SPATA6: variants seen among roughly 807,000 people sequenced by gnomAD.
SPATA6 encodes spermatogenesis-associated protein 6.
Under a neutral mutation model 65.3 loss-of-function variants are expected in SPATA6, and 56 were observed. That is an observed-to-expected ratio of 0.86 (90% CI 0.69 to 1.07). The LOEUF (loss-of-function observed/expected upper bound fraction) is 1.07. Ranked by LOEUF, SPATA6 falls within the 50% of genes least tolerant of loss-of-function variation. The pLI is 0.00. For missense variants in SPATA6, 590 were observed against 594.8 expected (o/e 0.99, Z 0.08); for synonymous variants, 199 against 213.2 (o/e 0.93, Z 0.58).
At chr1:48,435,124 A>C (rs1014599227) in intron 3 of SPATA6, among the ~76,000 whole-genome samples, 2 of 152,190 alleles carry the variant, frequency 1.3e-5, no homozygotes, top group African/African-American at 4.8e-5. Context: ...TTCTATAATA[A>C]TACTAATGTA....
At chr1:48,402,991 C>A (rs1229101114) in intron 6 of SPATA6, among the ~76,000 whole-genome samples, 1 of 151,954 alleles carries the variant, frequency 6.6e-6, no homozygotes, top group Non-Finnish European at 1.5e-5. Context: ...CCAGCCTGGG[C>A]AACATGGCAA....
At chr1:48,348,620 T>G (rs932931164) in intron 11 of SPATA6, among the ~76,000 whole-genome samples, 6 of 151,954 alleles carry the variant, frequency 3.9e-5, no homozygotes, top group African/African-American at 1.4e-4. Flanking sequence ...CAACTTTCAT[T>G]GGAAAAAGGT....
At chr1:48,293,988 TAATA>T (rs1228514319), downstream of SPATA6, among the ~76,000 whole-genome samples, 1 of 152,232 alleles carries the variant, frequency 6.6e-6, no homozygotes, top group Non-Finnish European at 1.5e-5. Flanking sequence ...CATTCAGTGA[TAATA>T]AACACATTAA....
chr1:48,403,256 T>C (rs191430666), intron 6 of SPATA6, among the ~76,000 whole-genome samples: 8 of 152,202 alleles, frequency 5.3e-5, no homozygotes, highest in Admixed American at 5.2e-4. Context: ...TTCAAAAACA[T>C]AGATGATCCT....
intron 1 of SPATA6, among the ~76,000 whole-genome samples, chr1:48,464,276 C>T (rs1557738397): frequency 6.6e-6 from 1 of 152,038 alleles, no homozygotes; most frequent in Non-Finnish European, 1.5e-5. Context: ...AAACACTATA[C>T]TAGAAATTCT....
Position 48,411,493 on chromosome 1 carries a change from C to T in SPATA6, c.376G>A (p.Val126Ile). 1 of 1,609,742 alleles carries T rather than the reference C, an allele frequency of 6.2e-7. No homozygotes were observed. Among genetic ancestry groups the T allele is most frequent in the Non-Finnish European group, 8.5e-7 (1 of 1,178,214 alleles). Residue 126 changes from valine to isoleucine, a missense_variant, in exon 5 of 13, where the codon GTT becomes ATT. Coordinates refer to ENST00000371847, the MANE Select transcript of SPATA6 (RefSeq NM_019073.4). ...MSGHHDSNRQ[V>I]TMRRISGLRG... ...AGGCCAGAAATCCTCCTCATGGTAA[C>T]CTGGCGGTTTGAATCATGGTGTCCA...
At chr1:48,374,494 C>T (rs1009617365) in intron 9 of SPATA6, among the ~76,000 whole-genome samples, 1 of 152,184 alleles carries the variant, frequency 6.6e-6, no homozygotes, top group African/African-American at 2.4e-5. Flanking sequence ...CTACCTACTA[C>T]AACATGACAT....
intron 3 of SPATA6, among the ~76,000 whole-genome samples, chr1:48,428,167 A>G (rs1388790333): frequency 6.6e-6 from 1 of 152,174 alleles, no homozygotes; most frequent in African/African-American, 2.4e-5. Context: ...TAATAACATA[A>G]AAACAGGCCG....
chr1:48,438,686 C>A (rs573549291), intron 3 of SPATA6, among the ~76,000 whole-genome samples: 2 of 152,314 alleles, frequency 1.3e-5, no homozygotes, highest in East Asian at 3.9e-4. Flanking sequence ...TGGGTTCTAA[C>A]GCCTGTCAGA....
At chr1:48,337,085 T>C (rs1413182706) in intron 11 of SPATA6, among the ~76,000 whole-genome samples, 2 of 151,884 alleles carry the variant, frequency 1.3e-5, no homozygotes, top group East Asian at 3.9e-4. Flanking sequence ...CTGAGGAGAA[T>C]ATTACAAGAA....
intron 11 of SPATA6, among the ~76,000 whole-genome samples, chr1:48,327,623 C>A (rs992232071): frequency 1.3e-5 from 2 of 152,104 alleles, no homozygotes; most frequent in Non-Finnish European, 2.9e-5. Context: ...TATATATACA[C>A]CATGGAACAC....
At chr1:48,314,299 C>T (rs1645330586) in intron 11 of SPATA6, among the ~76,000 whole-genome samples, 1 of 152,110 alleles carries the variant, frequency 6.6e-6, no homozygotes, top group Admixed American at 6.6e-5. Flanking sequence ...AAGTAAAGCA[C>T]TCCTCAGCAA....
At chr1:48,365,384 T>C (rs1646968269) in intron 9 of SPATA6, among the ~76,000 whole-genome samples, 4 of 152,312 alleles carry the variant, frequency 2.6e-5, no homozygotes, top group Admixed American at 2.0e-4. Flanking sequence ...GTAAATTACT[T>C]TGGGCAGTAT....
At chr1:48,469,799 GT>G (rs1386327889) in intron 1 of SPATA6, among the ~76,000 whole-genome samples, 2 of 146,286 alleles carry the variant, frequency 1.4e-5, no homozygotes, top group African/African-American at 5.2e-5. Flanking sequence ...TGCTAGTGGG[GT>G]TTTTTTTGTG....
chr1:48,378,204 G>C (rs1648144746), intron 9 of SPATA6, among the ~76,000 whole-genome samples: 1 of 152,158 alleles, frequency 6.6e-6, no homozygotes, highest in Non-Finnish European at 1.5e-5. Context: ...TAATGTACTA[G>C]CCTTATCAGA....
At chr1:48,368,503 C>G (rs971521846) in intron 9 of SPATA6, among the ~76,000 whole-genome samples, 1 of 152,146 alleles carries the variant, frequency 6.6e-6, no homozygotes, top group African/African-American at 2.4e-5. Context: ...TCTTTTTATT[C>G]TTTTTCCTCT....
intron 3 of SPATA6, among the ~76,000 whole-genome samples, chr1:48,433,278 G>A (rs1654575797): frequency 6.6e-6 from 1 of 152,044 alleles, no homozygotes; most frequent in South Asian, 2.1e-4. Context: ...GATTAAGATA[G>A]TAAATTTCAT....
intron 11 of SPATA6, among the ~76,000 whole-genome samples, chr1:48,322,342 G>C (rs1245778001): frequency 6.6e-6 from 1 of 152,046 alleles, no homozygotes; most frequent in Non-Finnish European, 1.5e-5. Flanking sequence ...ATAATAAATG[G>C]GGCTGGGAAA....
chr1:48,421,985 T>C (rs914142926), intron 3 of SPATA6, among the ~76,000 whole-genome samples: 4 of 152,270 alleles, frequency 2.6e-5, no homozygotes, highest in Non-Finnish European at 5.9e-5. Flanking sequence ...TGCAGGAATA[T>C]GAATGTGTGT....
Sources: allele counts gnomAD v4.1 joint callset (sites outside exome capture counted in the v4.1 genomes callset), GRCh38; gene constraint gnomAD v4.1.1; transcripts MANE v1.5; gene names NCBI Gene and HGNC (gene_info 2026-07-23, HGNC 2026-07-21).